CMTM5: variants seen among roughly 807,000 people sequenced by gnomAD.
CMTM5 encodes the protein CKLF like MARVEL transmembrane domain containing 5, also known as CKLF-like MARVEL transmembrane domain-containing protein 5.
In CMTM5, 25 loss-of-function variants were observed where a neutral mutation model predicts 26.9. That is an observed-to-expected ratio of 0.93 (90% confidence interval 0.68 to 1.30). The LOEUF is 1.30. CMTM5 is among the 50% of genes most tolerant of loss of function. The pLI, the probability that CMTM5 is intolerant of heterozygous loss-of-function variation, is 0.00. For missense variants in CMTM5, 292 were observed against 289.6 expected, an observed-to-expected ratio of 1.01 and a Z score of -0.06; for synonymous variants, 98 against 115.5, an observed-to-expected ratio of 0.85 and a Z score of 0.97.
chr14:23,379,217 G>T, intron 4 of CMTM5, 82 bp from the exon 5 acceptor site: 1 of 1,600,658 alleles, frequency 6.2e-7, no homozygotes, highest in Non-Finnish European at 8.5e-7. Context: ...AGGACTTGGG[G>T]TTCTGGCTTG....
In CMTM5 at chr14:23,377,069, C is replaced by T. The variant is rs1890587653; in HGVS notation, c.-183C>T. 1.4e-6 allele frequency: 1 copy of T among 733,986 alleles called. No individual in the cohort carries two copies. The highest frequency in any genetic ancestry group is 2.2e-6 in the Non-Finnish European group (1 of 460,418). 45.5% of individuals were successfully genotyped at this position (733,986 alleles called of 1,614,324 possible). ...GCACTCTGGGCAGCTGGGTGAGGGC[C>T]CATCTGGGCAAGGCCCCCAGCGCCT... On this transcript the variant is annotated 5_prime_UTR_variant, in exon 1 of 6. Transcript: ENST00000339180. The surrounding 1 kb of genome is among the most constrained non-coding windows in gnomAD (Gnocchi z 4.6).
intron 5 of CMTM5, 21 bp from the exon 6 acceptor site, chr14:23,379,453 T>G (rs1566501585): frequency 6.2e-7 from 1 of 1,614,076 alleles, no homozygotes; most frequent in African/African-American, 1.3e-5. Flanking sequence ...TGTGGGTCCC[T>G]ACCTGGCTCT....
rs2138571469 is a variant in CMTM5 at position 23,379,077 on chromosome 14, C to T, written c.527C>T (p.Ser176Phe). The T allele has an allele frequency of 1.2e-6, 2 of 1,614,072 alleles. No individual in the cohort carries two copies. Among genetic ancestry groups the T allele is most frequent in the Non-Finnish European group, 1.7e-6 (2 of 1,180,000 alleles). ...GCCATCATCATCTTCCTGGTGGTCTCCTTTGCAGCTGTGACCTCCCGGGAC... is the reference window on the plus strand; with the variant it reads ...GCCATCATCATCTTCCTGGTGGTCTTCTTTGCAGCTGTGACCTCCCGGGAC... ...VSAIIIFLVV[S>F]FAAVTSRDGA... Residue 176 changes from serine to phenylalanine, a missense_variant, in exon 4 of 6, where the codon TCC becomes TTC. Transcript: ENST00000339180.
At position 23,377,901 on chromosome 14, in the gene CMTM5, C is replaced by T. The variant is rs1024916440; in HGVS notation, c.127-448C>T. ...GCTCCCAGAAACCACTGGGCAGCATCTGCCTTCTCTCTTGGCATGGAATCA... is the reference window on the plus strand; with the variant it reads ...GCTCCCAGAAACCACTGGGCAGCATTTGCCTTCTCTCTTGGCATGGAATCA... On this transcript the variant is annotated intron_variant, in intron 1 of 5. Transcript: ENST00000339180. This position sits in a 1 kb window ranked among gnomAD's most constrained non-coding sequence, Gnocchi z 4.6. The T allele has an allele frequency of 2.1e-5, 4 of 192,132 alleles. No individual in the cohort carries two copies. The highest frequency in any genetic ancestry group is 3.2e-5 in the Non-Finnish European group (3 of 94,750). The allele number at this position is 192,132 out of a possible 1,614,324, so 11.9% of individuals were successfully genotyped here.
rs777216279 is a variant in CMTM5, at chr14:23,379,487, A to C, written c.672A>C (p.Ter224CysextTer90). 16 of 1,613,502 alleles carry C rather than the reference A, an allele frequency of 9.9e-6. No individual in the cohort carries two copies. The African/African-American group carries it at 1.7e-4, about 18-fold the overall frequency. Residue 224 changes from the stop codon to cysteine, a stop_lost, in exon 6 of 6, where the codon TGA (stop) becomes TGC (cysteine). Transcript: ENST00000339180. The part of the protein sequence containing the change: ...APGASQGDQQ[*>C] ...CTATCCTCACAGGGGACCAGCAGTGACTCTGGGGCTACCTGGCTCCTAGGC... is the reference window on the plus strand; with the variant it reads ...CTATCCTCACAGGGGACCAGCAGTGCCTCTGGGGCTACCTGGCTCCTAGGC...
Position 23,378,286 on chromosome 14 carries a change from G to A in CMTM5, c.127-63G>A. The stretch of plus-strand genomic sequence containing the variant: ...CTAGGGGAGCTTCCAAGGAGGGGAA[G>A]GCAAAGCCCTGGCCCCTGCCTGTGT... On this transcript the variant is annotated intron_variant, in intron 1 of 5. Coordinates refer to ENST00000339180, the MANE Select transcript of CMTM5 (RefSeq NM_001288746.2). The surrounding 1 kb of genome is among the most constrained non-coding windows in gnomAD (Gnocchi z 4.2). 6.3e-7 allele frequency: 1 copy of A among 1,582,606 alleles called. No homozygotes were observed. Among genetic ancestry groups the A allele is most frequent in the Non-Finnish European group, 8.6e-7 (1 of 1,161,274 alleles).
chr14:23,378,838 G>C lies in CMTM5; in HGVS notation c.449G>C (p.Trp150Ser). 6.2e-7 allele frequency: 1 copy of C among 1,612,956 alleles called. No individual in the cohort carries two copies. Among genetic ancestry groups the C allele is most frequent in the Non-Finnish European group, 8.5e-7 (1 of 1,179,840 alleles). The change falls in exon 3 of 6, where the codon TGG (tryptophan) becomes TCG (serine). Residue 150 changes from tryptophan (W) to serine (S), a missense_variant. Transcript: ENST00000339180. The surrounding 1 kb of genome is among the most constrained non-coding windows in gnomAD (Gnocchi z 4.2). ...PAPGFWSWLLWFICFHSLGSS... is the reference protein window; with the variant it reads ...PAPGFWSWLLSFICFHSLGSS... The stretch of plus-strand genomic sequence containing the variant: ...CCTGGCTTCTGGTCCTGGTTGCTCT[G>C]GTTCATCTGCTTCCACTCCCTGGGT...
At position 23,377,472 on chromosome 14, in the gene CMTM5, C is replaced by T; in HGVS notation, c.126+95C>T. On this transcript the variant is annotated intron_variant, in intron 1 of 5. Coordinates refer to ENST00000339180, the MANE Select transcript of CMTM5 (RefSeq NM_001288746.2). This position sits in a 1 kb window ranked among gnomAD's most constrained non-coding sequence, Gnocchi z 4.6. ...CCCCCAGCTCACCCTTCAGTAGCCT[C>T]CTTCCCCAAGCCCTCTGGACACCTC... The T allele has an allele frequency of 7.1e-7, 1 of 1,414,000 alleles. No individual in the cohort carries two copies. Among genetic ancestry groups the T allele is most frequent in the Non-Finnish European group, 9.4e-7 (1 of 1,068,718 alleles). 87.6% of individuals were successfully genotyped at this position (1,414,000 alleles called of 1,614,324 possible).
Position 23,379,619 on chromosome 14 carries a change from A to G in CMTM5, c.*132A>G, listed in dbSNP as rs918954973. ...GCCCTACACAGCAGTCTGGCCTGAG[A>G]CGTCACTGGGGACTTATCTGTGGAG... On this transcript the variant is annotated 3_prime_UTR_variant, in exon 6 of 6. Transcript: ENST00000339180. 2.7e-6 allele frequency: 4 copies of G among 1,503,120 alleles called. No homozygotes were observed. Among genetic ancestry groups the G allele is most frequent in the Non-Finnish European group, 3.5e-6 (4 of 1,127,578 alleles). 93.1% of individuals were successfully genotyped at this position (1,503,120 alleles called of 1,614,324 possible).
Position 23,378,421 on chromosome 14 carries a change from T to C in CMTM5, c.199T>C (p.Phe67Leu). 1 of 1,613,792 alleles carries C rather than the reference T, an allele frequency of 6.2e-7. No individual in the cohort carries two copies. Among genetic ancestry groups the C allele is most frequent in the South Asian group, 1.1e-5 (1 of 91,068 alleles). The change falls in exon 2 of 6, where the codon TTC (phenylalanine) becomes CTC (leucine). Residue 67 changes from phenylalanine to leucine, a missense_variant. Coordinates refer to ENST00000339180, the MANE Select transcript of CMTM5 (RefSeq NM_001288746.2). The surrounding 1 kb of genome is among the most constrained non-coding windows in gnomAD (Gnocchi z 4.2). ...CTACATGGCCGCGGCGCTACTGGAG[T>C]TCTTCATCACACTTGCCTTCCTCTT... Reference protein sequence around the residue: ...SAYMAAALLEFFITLAFLFLY... With the variant: ...SAYMAAALLELFITLAFLFLY...
In CMTM5 at chr14:23,378,860, G is replaced by C. The variant is rs1018299578; in HGVS notation, c.471G>C (p.Leu157=). ...TCTGGTTCATCTGCTTCCACTCCCT[G>C]GGTAGCAGTGTGAGCGCTCTGTCTC... ...WLLWFICFHS[L]GSSDFLRCVS... Residue 157 remains leucine, a synonymous_variant, in exon 3 of 6, where the codon CTG becomes CTC. Coordinates refer to ENST00000339180, the MANE Select transcript of CMTM5 (RefSeq NM_001288746.2). This position sits in a 1 kb window ranked among gnomAD's most constrained non-coding sequence, Gnocchi z 4.2. The C allele has an allele frequency of 1.2e-6, 2 of 1,612,906 alleles. No individual in the cohort carries two copies. The highest frequency in any genetic ancestry group is 2.7e-5 in the African/African-American group (2 of 74,892).
rs1890700486 is a variant in CMTM5, at chr14:23,378,707, A to G, written c.318A>G (p.Leu106=). The part of the protein sequence containing the change: ...GHGQSGGPHP[L]DLLSHSAKVQ... ...GGCAATCAGGAGGACCACATCCGCT[A>G]GATCTACTCTCCCACTCAGCAAAGG... Residue 106 remains leucine, a synonymous_variant, in exon 3 of 6, where the codon CTA becomes CTG. Transcript: ENST00000339180. The surrounding 1 kb of genome is among the most constrained non-coding windows in gnomAD (Gnocchi z 4.2). 1 of 1,612,738 alleles carries G rather than the reference A, an allele frequency of 6.2e-7. No individual in the cohort carries two copies. Among genetic ancestry groups the G allele is most frequent in the Non-Finnish European group, 8.5e-7 (1 of 1,179,840 alleles).
chr14:23,377,287 T>C lies in CMTM5; in HGVS notation c.36T>C (p.Pro12=), dbSNP rs776710963. ...CTCGAGATCGCCGGGACCGGCACCCTGAGGAGGGGGTAGTTGCAGAGCTCC... is the reference window on the plus strand; with the variant it reads ...CTCGAGATCGCCGGGACCGGCACCCCGAGGAGGGGGTAGTTGCAGAGCTCC... The part of the protein sequence containing the change: ...LSARDRRDRH[P]EEGVVAELQG... The change falls in exon 1 of 6, where the codon CCT becomes CCC. Residue 12 remains proline, a synonymous_variant. Coordinates refer to ENST00000339180, the MANE Select transcript of CMTM5 (RefSeq NM_001288746.2). The surrounding 1 kb of genome is among the most constrained non-coding windows in gnomAD (Gnocchi z 4.6). 2 of 1,612,274 alleles carry C rather than the reference T, an allele frequency of 1.2e-6. No homozygotes were observed. Among genetic ancestry groups the C allele is most frequent in the African/African-American group, 2.7e-5 (2 of 74,896 alleles).
At position 23,379,772 on chromosome 14, in the gene CMTM5, A is replaced by G. The variant is rs1890790963; in HGVS notation, c.*285A>G. 4.3e-6 allele frequency: 3 copies of G among 691,152 alleles called. No homozygotes were observed. The highest frequency in any genetic ancestry group is 2.9e-5 in the East Asian group (1 of 34,410). 42.8% of individuals were successfully genotyped at this position (691,152 alleles called of 1,614,324 possible). On this transcript the variant is annotated 3_prime_UTR_variant, in exon 6 of 6. Coordinates refer to ENST00000339180, the MANE Select transcript of CMTM5 (RefSeq NM_001288746.2). The stretch of plus-strand genomic sequence containing the variant: ...TCCCAAATTAAAATATTCAAATTCT[A>G]CTGGTGAGTCTCTTTCTTCCCCAGA...
In CMTM5 at chr14:23,377,394, A is replaced by G. The variant is rs1391630434; in HGVS notation, c.126+17A>G. 6.4e-7 allele frequency: 1 copy of G among 1,552,806 alleles called. No individual in the cohort carries two copies. Among genetic ancestry groups the G allele is most frequent in the Admixed American group, 1.8e-5 (1 of 54,316 alleles). ...ACCGAGCTGGTAACAGCTGCCTCCC[A>G]ACCTGGTGCCTCCATCTCCCTGACC... On this transcript the variant is annotated intron_variant, in intron 1 of 5. Transcript: ENST00000339180. This position sits in a 1 kb window ranked among gnomAD's most constrained non-coding sequence, Gnocchi z 4.6.
Position 23,377,448 on chromosome 14 carries a change from C to T in CMTM5, c.126+71C>T. The T allele has an allele frequency of 6.8e-7, 1 of 1,475,794 alleles. No homozygotes were observed. Among genetic ancestry groups the T allele is most frequent in the Non-Finnish European group, 9.0e-7 (1 of 1,113,658 alleles). The allele number at this position is 1,475,794 out of a possible 1,614,324, so 91.4% of individuals were successfully genotyped here. A position where few individuals can be genotyped will look rare whatever the true frequency, so the allele number is the denominator to read the frequency against. On this transcript the variant is annotated intron_variant, in intron 1 of 5. Coordinates refer to ENST00000339180, the MANE Select transcript of CMTM5 (RefSeq NM_001288746.2). This position sits in a 1 kb window ranked among gnomAD's most constrained non-coding sequence, Gnocchi z 4.6. ...GGCTCCTGGCCAGCCTTATGCCAGC[C>T]CCCAGCTCACCCTTCAGTAGCCTCC...
Position 23,378,307 on chromosome 14 carries a change from T to A in CMTM5, c.127-42T>A, listed in dbSNP as rs764647335. 6.2e-7 allele frequency: 1 copy of A among 1,608,776 alleles called. No individual in the cohort carries two copies. The highest frequency in any genetic ancestry group is 8.5e-7 in the Non-Finnish European group (1 of 1,177,214). On this transcript the variant is annotated intron_variant, in intron 1 of 5. Coordinates refer to ENST00000339180, the MANE Select transcript of CMTM5 (RefSeq NM_001288746.2). This position sits in a 1 kb window ranked among gnomAD's most constrained non-coding sequence, Gnocchi z 4.2. The stretch of plus-strand genomic sequence containing the variant: ...GGAAGGCAAAGCCCTGGCCCCTGCC[T>A]GTGTCCCCTTCTTGGCATGTTCCAC...
Position 23,378,606 on chromosome 14 carries a change from G to A in CMTM5, c.280-63G>A. 1 of 1,607,958 alleles carries A rather than the reference G, an allele frequency of 6.2e-7. No homozygotes were observed. The highest frequency in any genetic ancestry group is 8.5e-7 in the Non-Finnish European group (1 of 1,174,892). ...TTCTTTCCATTTCCACACCACAGCTGGGCTTTGTCCCATGCTATGCCCTGC... is the reference window on the plus strand; with the variant it reads ...TTCTTTCCATTTCCACACCACAGCTAGGCTTTGTCCCATGCTATGCCCTGC... On this transcript the variant is annotated intron_variant, in intron 2 of 5. Coordinates refer to ENST00000339180, the MANE Select transcript of CMTM5 (RefSeq NM_001288746.2). The surrounding 1 kb of genome is among the most constrained non-coding windows in gnomAD (Gnocchi z 4.2).
In CMTM5 at chr14:23,378,437, C is replaced by T. The variant is rs576386301; in HGVS notation, c.215C>T (p.Ala72Val). Residue 72 changes from alanine (A) to valine (V), a missense_variant, in exon 2 of 6, where the codon GCC becomes GTC. Coordinates refer to ENST00000339180, the MANE Select transcript of CMTM5 (RefSeq NM_001288746.2). This position sits in a 1 kb window ranked among gnomAD's most constrained non-coding sequence, Gnocchi z 4.2. ...AALLEFFITL[A>V]FLFLYATQYY... is the part of the protein sequence containing the mutation. ...CTACTGGAGTTCTTCATCACACTTGCCTTCCTCTTCCTCTATGCCACCCAG... is the reference window on the plus strand; with the variant it reads ...CTACTGGAGTTCTTCATCACACTTGTCTTCCTCTTCCTCTATGCCACCCAG... The T allele has an allele frequency of 6.2e-7, 1 of 1,614,122 alleles. No individual in the cohort carries two copies. Among genetic ancestry groups the T allele is most frequent in the African/African-American group, 1.3e-5 (1 of 75,020 alleles).
Sources: gnomAD v4.1 joint callset for allele counts on GRCh38, gnomAD v4.1.1 for gene constraint, Gnocchi (gnomAD v3.1) non-coding constraint, MANE v1.5 for transcripts, NCBI Gene and HGNC (gene_info 2026-07-23, HGNC 2026-07-21) for gene names.